Variants in RANBP2 observed in about 807,000 individuals in gnomAD.
RANBP2 encodes E3 SUMO-protein ligase RanBP2.
In RANBP2, 57 loss-of-function variants were observed where a neutral mutation model predicts 303.6. The observed-to-expected ratio is 0.19, with a 90% CI of 0.15 to 0.23. The LOEUF (loss-of-function observed/expected upper bound fraction) is 0.23. RANBP2 is among the 10% of genes least tolerant of loss of function. The pLI, the probability that RANBP2 is intolerant of heterozygous loss-of-function variation, is 1.00. For synonymous variants in RANBP2, 1,167 were observed against 1,301.5 expected (o/e 0.90, Z 2.23); for missense variants, 3,138 against 3,780.8 (o/e 0.83, Z 4.46).
chr2:109,518,886 A>AAG, the RANBP2 span, among the ~76,000 whole-genome samples: 2,328 of 150,252 alleles, frequency 0.015, 60 homozygotes, highest in African/African-American at 0.054. Context: ...CAGCAGGAGG[A>AAG]AGAGAGAGGT....
At chr2:109,280,665 G>C in the RANBP2 span, among the ~76,000 whole-genome samples, 1 of 152,210 alleles carries the variant, frequency 6.6e-6, no homozygotes, top group Non-Finnish European at 1.5e-5. Flanking sequence ...AGAGCATTCG[G>C]GTAATGTAAA....
chr2:108,828,595 A>G, the RANBP2 span, among the ~76,000 whole-genome samples: 1 of 152,224 alleles, frequency 6.6e-6, no homozygotes, highest in Non-Finnish European at 1.5e-5. Flanking sequence ...CACTCAGTGG[A>G]GGAAGGACAG....
At chr2:109,029,865 G>A in the RANBP2 span, among the ~76,000 whole-genome samples, 3 of 152,214 alleles carry the variant, frequency 2.0e-5, no homozygotes, top group Non-Finnish European at 2.9e-5. Flanking sequence ...TTAGCCTTCA[G>A]GGGCAGCCTC....
chr2:109,021,212 T>C, the RANBP2 span, among the ~76,000 whole-genome samples: 4 of 152,080 alleles, frequency 2.6e-5, no homozygotes, highest in African/African-American at 9.7e-5. Context: ...CCGATCAGCA[T>C]GGGGTCTGTG....
the RANBP2 span, among the ~76,000 whole-genome samples, chr2:108,842,058 C>T: frequency 6.6e-6 from 1 of 152,108 alleles, no homozygotes; most frequent in Non-Finnish European, 1.5e-5. Context: ...GAGACAGAGT[C>T]TCACTCTGTT....
At chr2:109,402,086 G>T in the RANBP2 span, among the ~76,000 whole-genome samples, 1 of 152,224 alleles carries the variant, frequency 6.6e-6, no homozygotes, top group Non-Finnish European at 1.5e-5. Context: ...GGGGCACCTG[G>T]TGCAGGTGTG....
At chr2:109,151,793 A>G in the RANBP2 span, among the ~76,000 whole-genome samples, 1 of 152,260 alleles carries the variant, frequency 6.6e-6, no homozygotes, top group Admixed American at 6.5e-5. Flanking sequence ...TGCACTTTTT[A>G]TGACTCTAAT....
the RANBP2 span, among the ~76,000 whole-genome samples, chr2:109,564,919 A>G: frequency 6.6e-6 from 1 of 152,224 alleles, no homozygotes; most frequent in South Asian, 2.1e-4. Context: ...ATATTAGTTC[A>G]CTAAAACTTC....
the RANBP2 span, among the ~76,000 whole-genome samples, chr2:108,835,338 A>G: frequency 6.6e-6 from 1 of 152,164 alleles, no homozygotes; most frequent in Non-Finnish European, 1.5e-5. Flanking sequence ...GAAAATATTC[A>G]TCTCAGCCGT....
downstream of RANBP2, among the ~76,000 whole-genome samples, chr2:108,788,427 GA>G (rs553782478): frequency 8.7e-6 from 1 of 115,280 alleles, no homozygotes; most frequent in Non-Finnish European, 1.8e-5. Context: ...TCTCAAAAAA[GA>G]AAAAAATAGG....
the RANBP2 span, among the ~76,000 whole-genome samples, chr2:109,055,284 T>A: frequency 7.9e-3 from 1,205 of 152,258 alleles, 23 homozygotes; most frequent in African/African-American, 0.028. Context: ...CACTTCTTGG[T>A]CAGCTATATG....
At chr2:109,507,243 C>G in the RANBP2 span, among the ~76,000 whole-genome samples, 1,674 of 152,306 alleles carry the variant, frequency 0.011, 30 homozygotes, top group African/African-American at 0.038. Context: ...GATGCACCCC[C>G]CTTCCCGAGC....
At chr2:109,209,499 G>T in the RANBP2 span, among the ~76,000 whole-genome samples, 1 of 152,170 alleles carries the variant, frequency 6.6e-6, no homozygotes, top group African/African-American at 2.4e-5. Context: ...GGGAGAGCAG[G>T]CCTGGGTACA....
chr2:108,913,395 G>C, the RANBP2 span, among the ~76,000 whole-genome samples: 2 of 152,156 alleles, frequency 1.3e-5, no homozygotes, highest in Non-Finnish European at 2.9e-5. Flanking sequence ...AAGCAACATA[G>C]AGTGTGTACA....
At chr2:108,890,374 A>C in the RANBP2 span, among the ~76,000 whole-genome samples, 1 of 151,582 alleles carries the variant, frequency 6.6e-6, no homozygotes, top group Non-Finnish European at 1.5e-5. Flanking sequence ...CCTCCTTAGT[A>C]GCTGGGACCA....
chr2:109,447,609 A>G, the RANBP2 span, among the ~76,000 whole-genome samples: 3 of 152,146 alleles, frequency 2.0e-5, no homozygotes, highest in African/African-American at 7.2e-5. Flanking sequence ...TCTGATGCTC[A>G]GCCCAGGTCT....
At chr2:109,414,863 G>A in the RANBP2 span, among the ~76,000 whole-genome samples, 3 of 152,246 alleles carry the variant, frequency 2.0e-5, no homozygotes, top group African/African-American at 7.2e-5. Context: ...TGTTGGTGGA[G>A]AAGGGACTGA....
At chr2:108,755,834 C>T (rs1036647177) in intron 17 of RANBP2, among the ~76,000 whole-genome samples, 1 of 152,062 alleles carries the variant, frequency 6.6e-6, no homozygotes, top group Non-Finnish European at 1.5e-5. Context: ...AGCGACTCTC[C>T]TGCCTCAGCC....
At chr2:109,441,141 A>AAAAAAAAAAT in the RANBP2 span, among the ~76,000 whole-genome samples, 7 of 152,092 alleles carry the variant, frequency 4.6e-5, no homozygotes, top group African/African-American at 1.2e-4. Context: ...ACAAAAAAAA[A>AAAAAAAAAAT]AAAAATTCCA....
Sources: allele counts gnomAD v4.1 joint callset (sites outside exome capture counted in the v4.1 genomes callset), GRCh38; gene constraint gnomAD v4.1.1; transcripts MANE v1.5; gene names NCBI Gene and HGNC (gene_info 2026-07-23, HGNC 2026-07-21).